The following TTLL3 variants were observed in gnomAD, a reference collection of about 807,000 sequenced individuals.
TTLL3 encodes tubulin tyrosine ligase like 3, also known as tubulin monoglycylase TTLL3.
Under a neutral mutation model 75.2 loss-of-function variants are expected in TTLL3, and 63 were observed. That is an observed-to-expected ratio of 0.84 (90% CI 0.68 to 1.03). The LOEUF (loss-of-function observed/expected upper bound fraction) is 1.03. TTLL3 is among the 50% of genes least tolerant of loss of function. The pLI, the probability that TTLL3 is intolerant of heterozygous loss-of-function variation, is 0.00. For missense variants in TTLL3, 997 were observed against 1,069.9 expected, an observed-to-expected ratio of 0.93 and a Z score of 0.95; for synonymous variants, 393 against 418.5, an observed-to-expected ratio of 0.94 and a Z score of 0.74.
Position 9,812,726 on chromosome 3 carries a change from G to T in TTLL3, c.49-217G>T, listed in dbSNP as rs1187656238. On this transcript the variant is annotated intron_variant, in intron 2 of 13. Transcript: ENST00000685419. ...TGTTAGTAATGCATGTAAGTGCTCA[G>T]CATGTAGTAGGTCCTCAATAAATAT... 3 of 463,424 alleles carry T rather than the reference G, an allele frequency of 6.5e-6. No individual in the cohort carries two copies. In the East Asian group the frequency reaches 1.1e-4, roughly 17 times the overall value. 28.7% of individuals were successfully genotyped at this position (463,424 alleles called of 1,614,324 possible).
At chr3:9,834,060 C>T (rs1430384121) in intron 12 of TTLL3, 6 of 216,404 alleles carry the variant, frequency 2.8e-5, no homozygotes, top group Non-Finnish European at 4.6e-5. Flanking sequence ...TGCAGTGAGC[C>T]GAGATTGCAC....
At chr3:9,813,596 A>G (rs185569333) in intron 4 of TTLL3, among the ~76,000 whole-genome samples, 131 of 151,830 alleles carry the variant, frequency 8.6e-4, no homozygotes, top group African/African-American at 3.1e-3. Context: ...CCTGGGCAAC[A>G]TAGTAAGACT....
At position 9,816,200 on chromosome 3, in the gene TTLL3, A is replaced by G. The variant is rs973686735; in HGVS notation, c.442A>G (p.Lys148Glu). 6.7e-6 allele frequency: 9 copies of G among 1,351,364 alleles called. No homozygotes were observed. The highest frequency in any genetic ancestry group is 3.0e-5 in the African/African-American group (2 of 67,470). 83.7% of individuals were successfully genotyped at this position (1,351,364 alleles called of 1,614,324 possible). A position where few individuals can be genotyped will look rare whatever the true frequency, so the allele number is the denominator to read the frequency against. ...HYARAGSFTTKVGLCLNLRNL... is the reference protein window; with the variant it reads ...HYARAGSFTTEVGLCLNLRNL... ...CGCCCGGGCTGGCTCCTTTACCACA[A>G]AGGTGGGCTCCCTAGAGGAGCAGGC... The change falls in exon 5 of 14, where the codon AAG becomes GAG. Residue 148 changes from lysine (K) to glutamate (E), a missense_variant and splice_region_variant. Lys to Glu is a moderately conservative substitution (Grantham distance 56, BLOSUM62 1). Transcript: ENST00000685419.
At chr3:9,822,910 A>G (rs549801498) in intron 8 of TTLL3, among the ~76,000 whole-genome samples, 2 of 147,700 alleles carry the variant, frequency 1.4e-5, no homozygotes, top group Admixed American at 6.8e-5. Context: ...CACTCGGCCT[A>G]ATTCATTCAA....
chr3:9,834,608 C>A (rs2081923599), intron 12 of TTLL3, 73 bp from the exon 13 acceptor site: 2 of 1,592,636 alleles, frequency 1.3e-6, no homozygotes, highest in African/African-American at 2.7e-5. Context: ...CCATCCTCCA[C>A]ACGTACCTGT....
At chr3:9,828,660 C>A in intron 10 of TTLL3, 1 of 428,714 alleles carries the variant, frequency 2.3e-6, no homozygotes, top group South Asian at 2.9e-5. Flanking sequence ...ATACCCTTAC[C>A]CACCCTCTTA....
chr3:9,818,841 T>C lies in TTLL3; in HGVS notation c.579T>C (p.Ala193=), dbSNP rs1337367459. The change falls in exon 7 of 14, where the codon GCT becomes GCC. Residue 193 remains alanine (A), a synonymous_variant. Transcript: ENST00000685419. ...GAGCAGAGGACTTCTGGCTGACTGC[T>C]GCCCGCAACGTTCTCAAGCTGGTGG... ...KAFIEDFWLT[A]ARNVLKLVVK... 3.7e-6 allele frequency: 6 copies of C among 1,614,132 alleles called. No homozygotes were observed. Among genetic ancestry groups the C allele is most frequent in the Non-Finnish European group, 5.1e-6 (6 of 1,179,994 alleles).
upstream of TTLL3, chr3:9,810,257 C>G: frequency 6.6e-7 from 1 of 1,508,196 alleles, no homozygotes; most frequent in Non-Finnish European, 8.8e-7. The surrounding 1 kb of genome is among the most constrained non-coding windows in gnomAD (Gnocchi z 4.4). Context: ...AGATGCCAGG[C>G]GGGCAGCCCC....
rs2079499578 is a variant in TTLL3, at chr3:9,813,077, C to G, written c.183C>G (p.Ser61Arg). ...TGCCACCCCAGAAGGATCTGGATAG[C>G]TCAGCGATGGGTGACAGTGACACCA... ...TLLPPQKDLD[S>R]SAMGDSDTTE... The change falls in exon 3 of 14, where the codon AGC (serine) becomes AGG (arginine). Residue 61 changes from serine (S) to arginine (R), a missense_variant. Transcript: ENST00000685419. 6 of 1,583,178 alleles carry G rather than the reference C, an allele frequency of 3.8e-6. No homozygotes were observed. The highest frequency in any genetic ancestry group is 5.2e-6 in the Non-Finnish European group (6 of 1,162,078).
At position 9,817,396 on chromosome 3, in the gene TTLL3, C is replaced by T. The variant is rs1056438486; in HGVS notation, c.445-249C>T. On this transcript the variant is annotated intron_variant, in intron 5 of 13. Transcript: ENST00000685419. Reference sequence around the variant, plus strand: ...CCGAGATCGCGCCACTGCACTCCAGCCTGGGTGACAGAGTGAGACTCCATC... The same window carrying T: ...CCGAGATCGCGCCACTGCACTCCAGTCTGGGTGACAGAGTGAGACTCCATC... 15 of 979,734 alleles carry T rather than the reference C, an allele frequency of 1.5e-5. No homozygotes were observed. The Admixed American group carries it at 5.5e-4, about 36-fold the overall frequency. 60.7% of individuals were successfully genotyped at this position (979,734 alleles called of 1,614,324 possible).
intron 8 of TTLL3, chr3:9,820,948 C>A: frequency 1.4e-6 from 1 of 737,404 alleles, no homozygotes; most frequent in Non-Finnish European, 2.1e-6. Flanking sequence ...TCACTAAGAG[C>A]ATGGACTGTG....
rs2081943385 is a variant in TTLL3, at chr3:9,834,831, CCACGGCTAAGGT to C, written c.1978_1989del (p.Thr660_Val663del). 9.3e-6 allele frequency: 15 copies of C among 1,614,108 alleles called. No homozygotes were observed. Among genetic ancestry groups the C allele is most frequent in the Non-Finnish European group, 1.3e-5 (15 of 1,180,052 alleles). On this transcript the variant is annotated inframe_deletion, in exon 13 of 14. Transcript: ENST00000685419. ...ACAGGCAAGGCCTTGAGGACTCTAC[CCACGGCTAAGGT>C]CTTCATTTCCCTCCCACCGAACCTT...
intron 4 of TTLL3, among the ~76,000 whole-genome samples, chr3:9,813,910 G>A (rs775402561): frequency 6.6e-6 from 1 of 152,058 alleles, no homozygotes; most frequent in Non-Finnish European, 1.5e-5. Flanking sequence ...CAGCACAGCC[G>A]CCATGCATGG....
At position 9,810,660 on chromosome 3, in the gene TTLL3, A is replaced by G; in HGVS notation, c.-2A>G. On this transcript the variant is annotated 5_prime_UTR_variant, in exon 2 of 14. Transcript: ENST00000685419. This position sits in a 1 kb window ranked among gnomAD's most constrained non-coding sequence, Gnocchi z 4.4. ...TGGCGAGGATCCTCCAAGGCGTCTCACATGAACCGGCTCAGAAACGCCAAA... is the reference window on the plus strand; with the variant it reads ...TGGCGAGGATCCTCCAAGGCGTCTCGCATGAACCGGCTCAGAAACGCCAAA... The G allele has an allele frequency of 6.3e-7, 1 of 1,583,848 alleles. No homozygotes were observed. Among genetic ancestry groups the G allele is most frequent in the Non-Finnish European group, 8.6e-7 (1 of 1,165,272 alleles).
rs570587637 is a variant in TTLL3, at chr3:9,827,067, C to T, written c.1074C>T (p.Asp358=). The change falls in exon 10 of 14, where the codon GAC becomes GAT. Residue 358 remains aspartate, a synonymous_variant. Coordinates refer to ENST00000685419, the MANE Select transcript of TTLL3 (RefSeq NM_001387446.1). The part of the protein sequence containing the change: ...LVNGNPVVMK[D]GKWVVQKYIE... Reference sequence around the variant, plus strand: ...ACGGCAACCCCGTGGTGATGAAGGACGGCAAGTGGGTGGTGCAGAAGTATA... The same window carrying T: ...ACGGCAACCCCGTGGTGATGAAGGATGGCAAGTGGGTGGTGCAGAAGTATA... 1.4e-5 allele frequency: 22 copies of T among 1,614,182 alleles called. No homozygotes were observed. Among genetic ancestry groups the T allele is most frequent in the East Asian group, 1.3e-4 (6 of 44,888 alleles).
intron 8 of TTLL3, 105 bp from the exon 9 acceptor site, chr3:9,825,695 G>A: frequency 1.9e-6 from 3 of 1,603,086 alleles, no homozygotes; most frequent in Non-Finnish European, 2.6e-6. Flanking sequence ...GCGTGACCAA[G>A]GCTGCCTGGA....
At chr3:9,818,052 C>A in intron 6 of TTLL3, 1 of 270,284 alleles carries the variant, frequency 3.7e-6, no homozygotes, top group Non-Finnish European at 7.0e-6. Flanking sequence ...AGATTCCAGG[C>A]TTATATCAAG....
Position 9,813,288 on chromosome 3 carries a change from GTTCGAC to G in TTLL3, c.264_269del (p.Phe89_Asp90del). ...ACGAGGAGTTCCAGCCATCACAGCTGTTCGACTTCGATGATTTACTGAAATTTGATG... is the reference window on the plus strand; with the variant it reads ...ACGAGGAGTTCCAGCCATCACAGCTGTTCGATGATTTACTGAAATTTGATG... On this transcript the variant is annotated inframe_deletion, in exon 4 of 14. Coordinates refer to ENST00000685419, the MANE Select transcript of TTLL3 (RefSeq NM_001387446.1). 1 of 1,614,248 alleles carries G rather than the reference GTTCGAC, an allele frequency of 6.2e-7. No individual in the cohort carries two copies. Among genetic ancestry groups the G allele is most frequent in the South Asian group, 1.1e-5 (1 of 91,086 alleles).
In TTLL3 at chr3:9,820,238, G is replaced by C. The variant is rs977368766; in HGVS notation, c.659-308G>C. On this transcript the variant is annotated intron_variant, in intron 7 of 13. Coordinates refer to ENST00000685419, the MANE Select transcript of TTLL3 (RefSeq NM_001387446.1). Reference sequence around the variant, plus strand: ...AAGACTCCCAGGTGCATTTTAGGCAGAGCCTCAGGTGTGTTAGAGGTCCCA... The same window carrying C: ...AAGACTCCCAGGTGCATTTTAGGCACAGCCTCAGGTGTGTTAGAGGTCCCA... The C allele has an allele frequency of 3.3e-5, 37 of 1,138,006 alleles. 1 individual carries two copies. In the African/African-American group the frequency reaches 5.8e-4, roughly 18 times the overall value. The allele number at this position is 1,138,006 out of a possible 1,614,324, so 70.5% of individuals were successfully genotyped here.
Sources: allele counts gnomAD v4.1 joint callset (sites outside exome capture counted in the v4.1 genomes callset), GRCh38; gene constraint gnomAD v4.1.1; non-coding constraint Gnocchi (gnomAD v3.1); transcripts MANE v1.5; gene names NCBI Gene and HGNC (gene_info 2026-07-23, HGNC 2026-07-21).